Variants in FLG observed in about 807,000 individuals in gnomAD.
FLG encodes the protein epidermal filaggrin.
A neutral mutation model predicts 3.8 loss-of-function variants in FLG; 6 were observed. That is an observed-to-expected ratio of 1.60 (90% CI 0.87 to 3.15). The LOEUF (loss-of-function observed/expected upper bound fraction) is 3.15, where lower values mean the gene tolerates loss of function less well. FLG is among the 30% of genes most tolerant of loss of function. FLG has a pLI of 0.00. For synonymous variants in FLG, 2,551 were observed against 1,931.6 expected, an observed-to-expected ratio of 1.32 and a Z score of -8.41; for missense variants, 7,595 against 5,050.9, an observed-to-expected ratio of 1.50 and a Z score of -15.27.
At chr1:152,319,084 A>G (rs373946891) in intron 1 of FLG, among the ~76,000 whole-genome samples, 1 of 151,772 alleles carries the variant, frequency 6.6e-6, no homozygotes, top group African/African-American at 2.4e-5. Context: ...CAACTCAGTT[A>G]GAAAATTGTG....
rs747832893 is a variant in FLG at position 152,311,787 on chromosome 1, G to C, written c.3099C>G (p.His1033Gln). Residue 1033 changes from histidine (H) to glutamine (Q), a missense_variant, in exon 3 of 3, where the codon CAC (histidine) becomes CAG (glutamine). By Grantham distance (24) the His-to-Gln change is conservative (BLOSUM62 0). Coordinates refer to ENST00000368799, the MANE Select transcript of FLG (RefSeq NM_002016.2). ...CTGCTGACTGCTGGTGGCGGGATCCGTGTCTTTCTCCTGGACTTGATCTTG... is the reference window on the plus strand; with the variant it reads ...CTGCTGACTGCTGGTGGCGGGATCCCTGTCTTTCTCCTGGACTTGATCTTG... Reference protein sequence around the residue: ...EQARSSPGERHGSRHQQSADS... With the variant: ...EQARSSPGERQGSRHQQSADS... 2 of 1,613,986 alleles carry C rather than the reference G, an allele frequency of 1.2e-6. No homozygotes were observed. Among genetic ancestry groups the C allele is most frequent in the East Asian group, 2.2e-5 (1 of 44,858 alleles).
Position 152,308,689 on chromosome 1 carries a change from C to G in FLG, c.6197G>C (p.Gly2066Ala), listed in dbSNP as rs374988997. 1.2e-6 allele frequency: 2 copies of G among 1,614,094 alleles called. No individual in the cohort carries two copies. The highest frequency in any genetic ancestry group is 1.7e-6 in the Non-Finnish European group (2 of 1,180,000). The change falls in exon 3 of 3, where the codon GGG (glycine) becomes GCG (alanine). Residue 2066 changes from glycine to alanine, a missense_variant. Gly to Ala is a moderately conservative substitution (Grantham distance 60). Transcript: ENST00000368799. ...CTCTTTGTGGCTCTGCTGATGGGGC[C>G]CAGCTTTTCCCTGTGCTGACACTGA... is the stretch of plus-strand genomic sequence containing the variant. ...TQSVSAQGKA[G>A]PHQQSHKESA...
chr1:152,314,195 C>G lies in FLG; in HGVS notation c.691G>C (p.Gly231Arg). 6.2e-7 allele frequency: 1 copy of G among 1,614,068 alleles called. No individual in the cohort carries two copies. The highest frequency in any genetic ancestry group is 1.1e-5 in the South Asian group (1 of 91,080). ...GRMTQKWIQS[G>R]HIATYYTIQD... is the part of the protein sequence containing the mutation. ...ATTGTGTAATATGTGGCAATATGGC[C>G]TGATTGTATCCATTTTTGAGTCATT... The change falls in exon 3 of 3, where the codon GGC (glycine) becomes CGC (arginine). Residue 231 changes from glycine (G) to arginine (R), a missense_variant. By Grantham distance (125) the Gly-to-Arg change is moderately radical. Transcript: ENST00000368799.
chr1:152,303,476 A>C lies in FLG; in HGVS notation c.11410T>G (p.Ser3804Ala). 6.2e-7 allele frequency: 1 copy of C among 1,613,296 alleles called. No homozygotes were observed. The highest frequency in any genetic ancestry group is 1.3e-5 in the African/African-American group (1 of 74,688). The change falls in exon 3 of 3, where the codon TCA becomes GCA. Residue 3804 changes from serine to alanine, a missense_variant. Ser to Ala is a moderately conservative substitution (Grantham distance 99). Transcript: ENST00000368799. ...QGRSDASHGQSGSRSASRETR... is the reference protein window; with the variant it reads ...QGRSDASHGQAGSRSASRETR... ...TCTCTGCTTGCACTTCTGGATCCTG[A>C]CTGCCCATGGGAGGCATCAGACCTT...
chr1:152,313,452 A>G lies in FLG; in HGVS notation c.1434T>C (p.Pro478=), dbSNP rs1374069463. 3 of 1,613,638 alleles carry G rather than the reference A, an allele frequency of 1.9e-6. No individual in the cohort carries two copies. ...TCCCGGTCCGTCCATGGGCAGAGTC[A>G]GGCTGTTCATGAGTGCTCACCTGGT... ...SLYQVSTHEQ[P]DSAHGRTGTS... The change falls in exon 3 of 3, where the codon CCT becomes CCC. Residue 478 remains proline, a synonymous_variant. Transcript: ENST00000368799.
In FLG at chr1:152,308,242, G is replaced by C; in HGVS notation, c.6644C>G (p.Ser2215Cys). ...HSGSHHHEAS[S>C]WADSSRHSLV... Reference sequence around the variant, plus strand: ...TGAGTGTCTAGAGCTGTCGGCCCAAGAGGAAGCTTCATGATGATGCGACCC... The same window carrying C: ...TGAGTGTCTAGAGCTGTCGGCCCAACAGGAAGCTTCATGATGATGCGACCC... The change falls in exon 3 of 3, where the codon TCT becomes TGT. Residue 2215 changes from serine to cysteine, a missense_variant. Ser to Cys is a moderately radical substitution (Grantham distance 112). Coordinates refer to ENST00000368799, the MANE Select transcript of FLG (RefSeq NM_002016.2). 1 of 1,613,998 alleles carries C rather than the reference G, an allele frequency of 6.2e-7. No homozygotes were observed. Among genetic ancestry groups the C allele is most frequent in the African/African-American group, 1.3e-5 (1 of 75,010 alleles).
chr1:152,304,778 C>A lies in FLG; in HGVS notation c.10108G>T (p.Glu3370Ter). The change falls in exon 3 of 3, where the codon GAG (glutamate) becomes TAG (stop). Residue 3370 changes from glutamate (E) to a stop codon, truncating the protein, a stop_gained. Transcript: ENST00000368799. LOFTEE classifies it low-confidence loss of function (END_TRUNC). Reference protein sequence around the residue: ...QAGPHQQSHQESARDRSGGRS... With the variant: ...QAGPHQQSHQ Reference sequence around the variant, plus strand: ...CCCCCTGACCGGTCACGTGCGGACTCTTGGTGGCTCTGCTGATGGGGCCCA... The same window carrying A: ...CCCCCTGACCGGTCACGTGCGGACTATTGGTGGCTCTGCTGATGGGGCCCA... 1 of 1,613,824 alleles carries A rather than the reference C, an allele frequency of 6.2e-7. No individual in the cohort carries two copies. Among genetic ancestry groups the A allele is most frequent in the Non-Finnish European group, 8.5e-7 (1 of 1,179,940 alleles).
Position 152,307,361 on chromosome 1 carries a change from C to G in FLG, c.7525G>C (p.Gly2509Arg). 1 of 1,613,040 alleles carries G rather than the reference C, an allele frequency of 6.2e-7. No individual in the cohort carries two copies. The highest frequency in any genetic ancestry group is 1.3e-5 in the African/African-American group (1 of 74,798). The change falls in exon 3 of 3, where the codon GGA becomes CGA. Residue 2509 changes from glycine to arginine, a missense_variant. By Grantham distance (125) the Gly-to-Arg change is moderately radical. Transcript: ENST00000368799. The part of the protein sequence containing the change: ...GRSDASHGHS[G>R]SRSASRQTRN... The stretch of plus-strand genomic sequence containing the variant: ...GTTTGTCTGCTTGCACTTCTGGATC[C>G]TGAGTGCCCATGGGAGGCATCAGAC...
In FLG at chr1:152,311,106, G is replaced by A. The variant is rs763899801; in HGVS notation, c.3780C>T (p.Ser1260=). Residue 1260 remains serine, a synonymous_variant, in exon 3 of 3, where the codon TCC becomes TCT. Coordinates refer to ENST00000368799, the MANE Select transcript of FLG (RefSeq NM_002016.2). The stretch of plus-strand genomic sequence containing the variant: ...TGGATCCCTGGTGCCTGCTTGTCCT[G>A]GACCCCGATGATTGTTCCTGTCCCA... The part of the protein sequence containing the change: ...SQVGQEQSSG[S]RTSRHQGSSV... 69 of 1,613,852 alleles carry A rather than the reference G, an allele frequency of 4.3e-5. No individual in the cohort carries two copies. The East Asian group carries it at 1.5e-3, about 34-fold the overall frequency.
At chr1:152,322,277 C>A (rs549902093) in intron 1 of FLG, among the ~76,000 whole-genome samples, 7 of 149,896 alleles carry the variant, frequency 4.7e-5, no homozygotes, top group South Asian at 2.1e-4. Flanking sequence ...TAGAGCAATA[C>A]GTTAGGAAAA....
At position 152,304,063 on chromosome 1, in the gene FLG, C is replaced by T. The variant is rs1651771458; in HGVS notation, c.10823G>A (p.Gly3608Asp). The T allele has an allele frequency of 6.2e-7, 1 of 1,613,084 alleles. No homozygotes were observed. Among genetic ancestry groups the T allele is most frequent in the Non-Finnish European group, 8.5e-7 (1 of 1,179,946 alleles). ...SGTHHAENSS[G>D]GQAASSHEQA... ...TTCATGGGATGATGCAGCCTGTCCA[C>T]CAGAGGAATTCTCTGCATGATGAGT... The change falls in exon 3 of 3, where the codon GGT (glycine) becomes GAT (aspartate). Residue 3608 changes from glycine (G) to aspartate (D), a missense_variant. Gly to Asp is a moderately conservative substitution (Grantham distance 94). Coordinates refer to ENST00000368799, the MANE Select transcript of FLG (RefSeq NM_002016.2).
chr1:152,312,265 G>T lies in FLG; in HGVS notation c.2621C>A (p.Thr874Asn), dbSNP rs1321711463. ...GGCATCAGACCTTCCCTGGGATGTGGTGTGGCTGTGATGGGACCCTGAGTG... is the reference window on the plus strand; with the variant it reads ...GGCATCAGACCTTCCCTGGGATGTGTTGTGGCTGTGATGGGACCCTGAGTG... ...SGHSGSHHSH[T>N]TSQGRSDASR... Residue 874 changes from threonine (T) to asparagine (N), a missense_variant, in exon 3 of 3, where the codon ACC becomes AAC. By Grantham distance (65) the Thr-to-Asn change is moderately conservative (BLOSUM62 0). Transcript: ENST00000368799. 1 of 1,613,778 alleles carries T rather than the reference G, an allele frequency of 6.2e-7. No individual in the cohort carries two copies. The highest frequency in any genetic ancestry group is 1.3e-5 in the African/African-American group (1 of 74,930).
Position 152,303,432 on chromosome 1 carries a change from C to G in FLG, c.11454G>C (p.Gln3818His). The change falls in exon 3 of 3, where the codon CAG becomes CAC. Residue 3818 changes from glutamine to histidine, a missense_variant. Physicochemically the swap from Gln to His is conservative, Grantham distance 24 (BLOSUM62 0). Coordinates refer to ENST00000368799, the MANE Select transcript of FLG (RefSeq NM_002016.2). ...CTGAGTGCCTGGAGCCGTCTCCTGACTGTTCCTCATTACGTGTTTCTCTGC... is the reference window on the plus strand; with the variant it reads ...CTGAGTGCCTGGAGCCGTCTCCTGAGTGTTCCTCATTACGTGTTTCTCTGC... ...SASRETRNEE[Q>H]SGDGSRHSGS... 1 of 1,613,978 alleles carries G rather than the reference C, an allele frequency of 6.2e-7. No homozygotes were observed. Among genetic ancestry groups the G allele is most frequent in the South Asian group, 1.1e-5 (1 of 91,054 alleles).
At chr1:152,316,926 A>T (rs1406911735) in intron 1 of FLG, among the ~76,000 whole-genome samples, 1 of 152,094 alleles carries the variant, frequency 6.6e-6, no homozygotes, top group Non-Finnish European at 1.5e-5. Flanking sequence ...TTTATCTCTG[A>T]TGTCCTTGAT....
chr1:152,314,678 C>A lies in FLG; in HGVS notation c.208G>T (p.Asp70Tyr), dbSNP rs931474879. The change falls in exon 3 of 3, where the codon GAC (aspartate) becomes TAC (tyrosine). Residue 70 changes from aspartate to tyrosine, a missense_variant. Coordinates refer to ENST00000368799, the MANE Select transcript of FLG (RefSeq NM_002016.2). ...ACCATCAGAAGAAACTCAGTGAAGT[C>A]AATTTTCTTGTTGTGGTCTATATCC... The part of the protein sequence containing the change: ...HLDIDHNKKI[D>Y]FTEFLLMVFK... 1.2e-6 allele frequency: 2 copies of A among 1,613,974 alleles called. No homozygotes were observed. The highest frequency in any genetic ancestry group is 1.7e-5 in the Admixed American group (1 of 60,008).
rs151338738 is a variant in FLG, at chr1:152,305,206, T to A, written c.9680A>T (p.Asp3227Val). Residue 3227 changes from aspartate to valine, a missense_variant, in exon 3 of 3, where the codon GAC (aspartate) becomes GTC (valine). Transcript: ENST00000368799. Reference sequence around the variant, plus strand: ...AGCAGACCCAGACCACCTCTCAGAGTCTTCTGAATGTCCCTCACTGTCACT... The same window carrying A: ...AGCAGACCCAGACCACCTCTCAGAGACTTCTGAATGTCCCTCACTGTCACT... ...QDSDSEGHSE[D>V]SERWSGSASR... 7.4e-6 allele frequency: 12 copies of A among 1,612,972 alleles called. No homozygotes were observed. Among genetic ancestry groups the A allele is most frequent in the Non-Finnish European group, 8.5e-6 (10 of 1,179,778 alleles).
At position 152,313,310 on chromosome 1, in the gene FLG, C is replaced by G. The variant is rs548412745; in HGVS notation, c.1576G>C (p.Gly526Arg). 1.1e-5 allele frequency: 17 copies of G among 1,613,652 alleles called. No individual in the cohort carries two copies. Among genetic ancestry groups the G allele is most frequent in the Non-Finnish European group, 1.4e-5 (16 of 1,179,976 alleles). ...IRGHPGSSRG[G>R]RQGSHHEQSV... Reference sequence around the variant, plus strand: ...TGCTCGTGGTGGGATCCCTGCCTTCCTCCTCTGCTTGACCCCGGGTGTCCA... The same window carrying G: ...TGCTCGTGGTGGGATCCCTGCCTTCGTCCTCTGCTTGACCCCGGGTGTCCA... The change falls in exon 3 of 3, where the codon GGA becomes CGA. Residue 526 changes from glycine (G) to arginine (R), a missense_variant. Gly to Arg is a moderately radical substitution (Grantham distance 125). Transcript: ENST00000368799.
At position 152,313,661 on chromosome 1, in the gene FLG, C is replaced by A; in HGVS notation, c.1225G>T (p.Val409Phe). ...GACCCCCGGTGTCCACGATCGCTGACTGCAGATGAAGCTTGCCCGCGCCCA... is the reference window on the plus strand; with the variant it reads ...GACCCCCGGTGTCCACGATCGCTGAATGCAGATGAAGCTTGCCCGCGCCCA... ...ATGRGQASSA[V>F]SDRGHRGSSG... Residue 409 changes from valine to phenylalanine, a missense_variant, in exon 3 of 3, where the codon GTC (valine) becomes TTC (phenylalanine). Physicochemically the swap from Val to Phe is conservative, Grantham distance 50. Coordinates refer to ENST00000368799, the MANE Select transcript of FLG (RefSeq NM_002016.2). The A allele has an allele frequency of 6.2e-7, 1 of 1,614,070 alleles. No individual in the cohort carries two copies. The highest frequency in any genetic ancestry group is 8.5e-7 in the Non-Finnish European group (1 of 1,180,008).
In FLG at chr1:152,308,027, C is replaced by A. The variant is rs199574917; in HGVS notation, c.6859G>T (p.Glu2287Ter). 3 of 1,614,194 alleles carry A rather than the reference C, an allele frequency of 1.9e-6. No individual in the cohort carries two copies. The highest frequency in any genetic ancestry group is 2.5e-6 in the Non-Finnish European group (3 of 1,180,032). Residue 2287 changes from glutamate to a stop codon, truncating the protein, a stop_gained, in exon 3 of 3, where the codon GAA (glutamate) becomes TAA (stop). Coordinates refer to ENST00000368799, the MANE Select transcript of FLG (RefSeq NM_002016.2). LOFTEE classifies it low-confidence loss of function (END_TRUNC). ...DGSRHPRSHH[E>*]DRAGHGHSAE... ...GAGTGCCCATGACCGGCTCTGTCTTCGTGATGGGACCTGGGGTGTCTGGAG... is the reference window on the plus strand; with the variant it reads ...GAGTGCCCATGACCGGCTCTGTCTTAGTGATGGGACCTGGGGTGTCTGGAG...
Sources: allele counts gnomAD v4.1 joint callset (sites outside exome capture counted in the v4.1 genomes callset), GRCh38; gene constraint gnomAD v4.1.1; transcripts MANE v1.5; gene names NCBI Gene and HGNC (gene_info 2026-07-23, HGNC 2026-07-21).